The following PDE4D variants were observed in gnomAD, a reference collection of about 807,000 sequenced individuals.
PDE4D encodes phosphodiesterase 4D.
In PDE4D, 24 loss-of-function variants were observed where a neutral mutation model predicts 87.4. The observed-to-expected ratio is 0.27, with a 90% CI of 0.20 to 0.39. PDE4D has a LOEUF of 0.39. Among genes scored for constraint, PDE4D ranks in the 10% least tolerant of loss-of-function variants. The probability of loss-of-function intolerance (pLI) is 1.00; values close to 1 mark genes in which losing one functional copy is unlikely to be tolerated. For synonymous variants in PDE4D, 384 were observed against 383.2 expected (o/e 1.00, Z -0.02); for missense variants, 714 against 1,041.0 (o/e 0.69, Z 4.32).
intron 2 of PDE4D, among the ~76,000 whole-genome samples, chr5:59,208,471 G>A (rs1423308): frequency 0.37 from 56,197 of 151,970 alleles, 11,114 homozygotes; most frequent in East Asian, 0.5. Context: ...CAATTAATTC[G>A]TTATTTTAAA....
chr5:60,102,984 A>T (rs1776390326), intron 2 of PDE4D, among the ~76,000 whole-genome samples: 1 of 152,030 alleles, frequency 6.6e-6, no homozygotes, highest in Non-Finnish European at 1.5e-5. Flanking sequence ...TGACAAAAAA[A>T]AAAAAACAGA....
At chr5:59,322,310 G>T (rs1774865012) in intron 1 of PDE4D, among the ~76,000 whole-genome samples, 1 of 152,100 alleles carries the variant, frequency 6.6e-6, no homozygotes. Flanking sequence ...TAAACCTCTA[G>T]AGGAATGAAC....
intron 2 of PDE4D, among the ~76,000 whole-genome samples, chr5:60,102,849 T>C (rs1041369255): frequency 7.2e-5 from 11 of 152,074 alleles, no homozygotes; most frequent in African/African-American, 2.7e-4. Flanking sequence ...GAAGATATAT[T>C]CATTGTAAAC....
intron 2 of PDE4D, among the ~76,000 whole-genome samples, chr5:60,183,132 C>T (rs1010557598): frequency 6.6e-6 from 1 of 152,092 alleles, no homozygotes; most frequent in African/African-American, 2.4e-5. Flanking sequence ...AAGTAGCTTT[C>T]GGCAAGCCAT....
At position 60,225,955 on chromosome 5, in the gene PDE4D, C is replaced by G. The variant is rs534775584; in HGVS notation, c.-89-40268G>C. On this transcript the variant is annotated intron_variant, in intron 1 of 16. Coordinates refer to the PDE4D transcript ENST00000502484. Reference sequence around the variant, plus strand: ...GCTCCTAACGACTGGGCTACTGACACATTAATTTTTGTTTTGAAACTGTAA... The same window carrying G: ...GCTCCTAACGACTGGGCTACTGACAGATTAATTTTTGTTTTGAAACTGTAA... Among the ~76,000 whole-genome samples the G allele has an allele frequency of 5.3e-5, 8 of 152,158 alleles. No homozygotes were observed. The East Asian group carries it at 1.6e-3, about 30-fold the overall frequency.
chr5:59,006,356 G>A (rs1055430960), intron 6 of PDE4D, among the ~76,000 whole-genome samples: 1 of 152,194 alleles, frequency 6.6e-6, no homozygotes, highest in Non-Finnish European at 1.5e-5. Flanking sequence ...CTTGAGGCCA[G>A]GAGGTCGAGA....
intron 11 of PDE4D, among the ~76,000 whole-genome samples, chr5:58,983,510 TAGTC>T (rs767807317): frequency 2.0e-5 from 3 of 152,210 alleles, no homozygotes; most frequent in Admixed American, 2.0e-4. Context: ...TGGTGGCCCA[TAGTC>T]AGTCAGTATC....
intron 5 of PDE4D, among the ~76,000 whole-genome samples, chr5:59,114,712 G>A (rs1773283205): frequency 6.6e-6 from 1 of 152,024 alleles, no homozygotes; most frequent in Non-Finnish European, 1.5e-5. Flanking sequence ...ATGCAAAGAT[G>A]GAAAGGTTTT....
chr5:60,287,996 A>G (rs1220734323), intron 1 of PDE4D, among the ~76,000 whole-genome samples: 2 of 152,182 alleles, frequency 1.3e-5, no homozygotes, highest in Non-Finnish European at 2.9e-5. Context: ...TTGTACCTAG[A>G]GCTAAATAAA....
At chr5:59,414,720 A>C (rs1793290829) in intron 1 of PDE4D, among the ~76,000 whole-genome samples, 1 of 152,222 alleles carries the variant, frequency 6.6e-6, no homozygotes, top group African/African-American at 2.4e-5. Context: ...ATATCGAACA[A>C]ACAACAAAAC....
chr5:60,502,377 G>T, intron 1 of PDE4D, among the ~76,000 whole-genome samples: 1 of 152,104 alleles, frequency 6.6e-6, no homozygotes, highest in Non-Finnish European at 1.5e-5. Context: ...TGTTTTGGTA[G>T]CAGTACCATG....
chr5:59,527,161 T>C (rs1042359195), intron 1 of PDE4D, among the ~76,000 whole-genome samples: 44 of 152,206 alleles, frequency 2.9e-4, no homozygotes, highest in African/African-American at 1.1e-3. Context: ...GTGGTTGTTA[T>C]GGTGTGTGTG....
At chr5:59,610,208 C>T (rs968936171) in intron 1 of PDE4D, among the ~76,000 whole-genome samples, 1 of 152,116 alleles carries the variant, frequency 6.6e-6, no homozygotes, top group Non-Finnish European at 1.5e-5. Flanking sequence ...GCAAGGCACC[C>T]CCCAGAGTCT....
chr5:60,127,697 A>G (rs1458114767), intron 2 of PDE4D: 1 of 596,924 alleles, frequency 1.7e-6, no homozygotes, highest in African/African-American at 1.9e-5. Flanking sequence ...AGGGGAAAAC[A>G]GAATTTCAGT....
chr5:60,264,841 A>C (rs752899549), intron 1 of PDE4D, among the ~76,000 whole-genome samples: 65 of 152,140 alleles, frequency 4.3e-4, no homozygotes, highest in Non-Finnish European at 8.2e-4. Flanking sequence ...TTTGCAAGTG[A>C]GAGGAGAAAC....
At chr5:59,071,606 A>G (rs1442628539) in intron 5 of PDE4D, among the ~76,000 whole-genome samples, 1 of 149,642 alleles carries the variant, frequency 6.7e-6, no homozygotes, top group Non-Finnish European at 1.5e-5. Context: ...ATTTATGAAT[A>G]CAATATCAAG....
intron 2 of PDE4D, among the ~76,000 whole-genome samples, chr5:60,136,140 T>C (rs773272361): frequency 6.6e-6 from 1 of 152,146 alleles, no homozygotes; most frequent in Non-Finnish European, 1.5e-5. Flanking sequence ...ATTTAGAAGA[T>C]TTTTAGATAG....
rs1178120584 is a variant in PDE4D at position 59,639,820 on chromosome 5, TGTGTGTGTGTG to T, written c.455+253337_455+253347del. Among the ~76,000 whole-genome samples the T allele has an allele frequency of 1.2e-4, 3 of 24,094 alleles. No individual in the cohort carries two copies. The East Asian group carries it at 0.012, about 93-fold the overall frequency. 15.8% of individuals were successfully genotyped at this position (24,094 alleles called of 152,430 possible). ...TTAAATATAGTGTCTATAGTGTGTG[TGTGTGTGTGTG>T]TGTGTGTGTGTGTGTGTGTGTGTGT... On this transcript the variant is annotated intron_variant, in intron 1 of 14. Transcript: ENST00000340635.
intron 3 of PDE4D, among the ~76,000 whole-genome samples, chr5:59,934,049 T>A (rs1437019019): frequency 1.3e-5 from 2 of 152,072 alleles, no homozygotes; most frequent in Admixed American, 1.3e-4. Flanking sequence ...AGTGGTACCA[T>A]CTCAGCTCAC....
Sources: allele counts gnomAD v4.1 joint callset (sites outside exome capture counted in the v4.1 genomes callset), GRCh38; gene constraint gnomAD v4.1.1; transcripts MANE v1.5; gene names NCBI Gene and HGNC (gene_info 2026-07-23, HGNC 2026-07-21).